The following NXN variants were observed in gnomAD, a reference collection of about 807,000 sequenced individuals.
NXN encodes nucleoredoxin, also known as nucleoredoxin 1.
In NXN, 16 loss-of-function variants were observed where a neutral mutation model predicts 48.6. The observed-to-expected ratio is 0.33, with a 90% CI of 0.22 to 0.50. The LOEUF (loss-of-function observed/expected upper bound fraction) is 0.50, where lower values mean the gene tolerates loss of function less well. Ranked by LOEUF, NXN falls within the 20% of genes least tolerant of loss-of-function variation. The probability of loss-of-function intolerance (pLI) is 0.98; values close to 1 mark genes in which losing one functional copy is unlikely to be tolerated. For missense variants in NXN, 492 were observed against 605.5 expected (o/e 0.81, Z 1.97); for synonymous variants, 281 against 269.6 (o/e 1.04, Z -0.41).
intron 1 of NXN, among the ~76,000 whole-genome samples, chr17:966,878 A>G (rs980420931): frequency 6.6e-6 from 1 of 151,858 alleles, no homozygotes; most frequent in Non-Finnish European, 1.5e-5. Context: ...GGGTGAACCC[A>G]CATCACAGGA....
At chr17:864,946 G>A (rs2068080966) in intron 1 of NXN, among the ~76,000 whole-genome samples, 1 of 152,154 alleles carries the variant, frequency 6.6e-6, no homozygotes, top group South Asian at 2.1e-4. Context: ...GCAGATTCTA[G>A]AATTTACCTC....
In NXN at chr17:806,456, T is replaced by C. The variant is rs376757115; in HGVS notation, c.821-1209A>G. On this transcript the variant is annotated intron_variant, in intron 5 of 7. Coordinates refer to ENST00000336868, the MANE Select transcript of NXN (RefSeq NM_022463.5). ...CTGGTCAAGGTGCACGTGGGTTTTC[T>C]GTGTCTCTGTTCTTTTTACCCCACT... 7.2e-5 allele frequency among the ~76,000 whole-genome samples: 11 copies of C among 152,208 alleles called. No homozygotes were observed. In the East Asian group the frequency reaches 1.7e-3, roughly 24 times the overall value.
At chr17:817,532 T>TG (rs1269168542) in intron 5 of NXN, among the ~76,000 whole-genome samples, 3 of 151,724 alleles carry the variant, frequency 2.0e-5, no homozygotes, top group Admixed American at 6.6e-5. Flanking sequence ...TAGCCGGGCG[T>TG]GTGGTGGGTG....
intron 1 of NXN, chr17:910,959 G>A (rs2144922555): frequency 6.6e-6 from 1 of 152,282 alleles, no homozygotes; most frequent in East Asian, 1.9e-4. Context: ...GGACTTTAAG[G>A]AAGATTCCTT....
At chr17:947,626 G>A (rs987686508) in intron 1 of NXN, among the ~76,000 whole-genome samples, 3 of 151,572 alleles carry the variant, frequency 2.0e-5, no homozygotes, top group Non-Finnish European at 2.9e-5. Context: ...CAAGCCACTC[G>A]GGAGGCTGAG....
chr17:904,292 T>TCGGACGTCGGACGC (rs71145791), intron 1 of NXN, among the ~76,000 whole-genome samples: 1 of 151,956 alleles, frequency 6.6e-6, no homozygotes, highest in East Asian at 2.0e-4. Context: ...TGCCCGGACG[T>TCGGACGTCGGACGC]CGGACGCCGT....
Position 810,316 on chromosome 17 carries a change from G to T in NXN, c.821-5069C>A, listed in dbSNP as rs543732378. ...CACGTTACGAGTCTGTGAGTGGTGT[G>T]CACGTTACGAGTGCATGTGAGTGGC... On this transcript the variant is annotated intron_variant, in intron 5 of 7. Transcript: ENST00000336868. 2.2e-3 allele frequency among the ~76,000 whole-genome samples: 334 copies of T among 152,084 alleles called. 23 individuals carry two copies. Among genetic ancestry groups the T allele is most frequent in the Middle Eastern group, 0.014 (4 of 286 alleles).
At chr17:844,746 G>A (rs113691942) in intron 1 of NXN, among the ~76,000 whole-genome samples, 8,109 of 151,906 alleles carry the variant, frequency 0.053, 759 homozygotes, top group African/African-American at 0.19. Context: ...CACCATACCC[G>A]GCTAATTTTG....
At position 954,996 on chromosome 17, in the gene NXN, G is replaced by A. The variant is rs148005182; in HGVS notation, c.360+24323C>T. Among the ~76,000 whole-genome samples the A allele has an allele frequency of 7.9e-3, 1,203 of 152,104 alleles. 15 individuals carry two copies. The highest frequency in any genetic ancestry group is 0.037 in the Admixed American group (568 of 15,272). ...GCTTTCCACATAGGAGGTCTGCCCC[G>A]CGTCCCGGGCCTGACCCCAGCCCTT... On this transcript the variant is annotated intron_variant, in intron 1 of 7. Transcript: ENST00000336868.
chr17:950,540 T>C (rs915182642), intron 1 of NXN, among the ~76,000 whole-genome samples: 2 of 146,870 alleles, frequency 1.4e-5, no homozygotes, highest in African/African-American at 5.1e-5. Context: ...CATGTGCTTC[T>C]AGAACTTTCT....
chr17:918,443 C>T (rs990588974), intron 1 of NXN, among the ~76,000 whole-genome samples: 2 of 152,094 alleles, frequency 1.3e-5, no homozygotes, highest in Admixed American at 6.6e-5. Context: ...ATTTGGCTCC[C>T]GAGTCAATCA....
chr17:881,381 G>T (rs923879447), intron 1 of NXN, among the ~76,000 whole-genome samples: 1 of 152,096 alleles, frequency 6.6e-6, no homozygotes, highest in Admixed American at 6.6e-5. Context: ...GATTAGAAAC[G>T]CGTACCACCA....
chr17:847,857 C>T (rs2067881585), intron 1 of NXN, among the ~76,000 whole-genome samples: 1 of 152,148 alleles, frequency 6.6e-6, no homozygotes, highest in African/African-American at 2.4e-5. Flanking sequence ...TGAATTTATG[C>T]ATCCAAGTGA....
intron 5 of NXN, among the ~76,000 whole-genome samples, chr17:811,889 G>C (rs1386470415): frequency 6.7e-6 from 1 of 148,856 alleles, no homozygotes; most frequent in Admixed American, 6.7e-5. Flanking sequence ...GATGCTTATA[G>C]GACTCCGGGT....
intron 1 of NXN, among the ~76,000 whole-genome samples, chr17:831,398 G>T (rs1441715914): frequency 6.6e-6 from 1 of 152,108 alleles, no homozygotes; most frequent in East Asian, 1.9e-4. Flanking sequence ...CACTGGGGAG[G>T]TGGGTCTTGG....
intron 1 of NXN, among the ~76,000 whole-genome samples, chr17:851,416 G>A (rs2067922493): frequency 6.6e-6 from 1 of 152,388 alleles, no homozygotes; most frequent in African/African-American, 2.4e-5. Flanking sequence ...GGGGCTGAGG[G>A]GCTACAGAAT....
At position 905,976 on chromosome 17, in the gene NXN, C is replaced by CAA. The variant is rs71145792; in HGVS notation, c.360+73341_360+73342dup. ...TGAACTACAGAGTGAGACCTTGTCT[C>CAA]AAAAAAAAAAAAAAGAAAAAGGTAA... On this transcript the variant is annotated intron_variant, in intron 1 of 7. Coordinates refer to ENST00000336868, the MANE Select transcript of NXN (RefSeq NM_022463.5). Among the ~76,000 whole-genome samples, 425 of 118,534 alleles carry CAA rather than the reference C, an allele frequency of 3.6e-3. 2 individuals carry two copies. Among genetic ancestry groups the CAA allele is most frequent in the African/African-American group, 7.2e-3 (218 of 30,282 alleles). 77.8% of individuals were successfully genotyped at this position (118,534 alleles called of 152,430 possible). A position where few individuals can be genotyped will look rare whatever the true frequency, so the allele number is the denominator to read the frequency against.
intron 1 of NXN, among the ~76,000 whole-genome samples, chr17:931,200 T>G (rs928550845): frequency 6.6e-6 from 1 of 151,532 alleles, no homozygotes; most frequent in East Asian, 2.0e-4. Flanking sequence ...GGTGGGAGAA[T>G]TGCCTGAGCC....
At chr17:858,820 A>G (rs1311571270) in intron 1 of NXN, among the ~76,000 whole-genome samples, 1 of 152,164 alleles carries the variant, frequency 6.6e-6, no homozygotes, top group African/African-American at 2.4e-5. Context: ...AGGATCAGCT[A>G]TGACCAGAGG....
Sources: allele counts gnomAD v4.1 joint callset (sites outside exome capture counted in the v4.1 genomes callset), GRCh38; gene constraint gnomAD v4.1.1; transcripts MANE v1.5; gene names NCBI Gene and HGNC (gene_info 2026-07-23, HGNC 2026-07-21).